AACS: variants seen among roughly 807,000 people sequenced by gnomAD.
AACS encodes acetoacetate-CoA ligase.
Under a neutral mutation model 83.1 loss-of-function variants are expected in AACS, and 69 were observed. The observed-to-expected ratio is 0.83, with a 90% confidence interval of 0.68 to 1.01. The LOEUF is 1.01. Among genes scored for constraint, AACS ranks in the 50% least tolerant of loss-of-function variants. AACS has a pLI of 0.00. For missense variants in AACS, 866 were observed against 882.2 expected (o/e 0.98, Z 0.23); for synonymous variants, 333 against 343.4 (o/e 0.97, Z 0.33).
chr12:125,093,235 T>C (rs558755093), intron 5 of AACS, among the ~76,000 whole-genome samples: 35 of 152,324 alleles, frequency 2.3e-4, no homozygotes, highest in African/African-American at 8.2e-4. Context: ...GGAGTGATCA[T>C]GGCCTCCCAG....
chr12:125,078,957 A>G (rs1206733731), intron 3 of AACS, among the ~76,000 whole-genome samples: 1 of 152,086 alleles, frequency 6.6e-6, no homozygotes, highest in East Asian at 1.9e-4. Flanking sequence ...GAATAAGTAA[A>G]GCATTGTGAT....
intron 4 of AACS, among the ~76,000 whole-genome samples, chr12:125,088,602 C>G (rs904817552): frequency 2.6e-4 from 39 of 152,184 alleles, no homozygotes; most frequent in African/African-American, 9.2e-4. Flanking sequence ...AATCTGTACA[C>G]TTTTAAGGTC....
At chr12:125,131,697 T>TTCTCCTGC (rs1565954434) in intron 14 of AACS, among the ~76,000 whole-genome samples, 4 of 151,992 alleles carry the variant, frequency 2.6e-5, no homozygotes, top group Non-Finnish European at 5.9e-5. Flanking sequence ...AGTGGCACGA[T>TTCTCCTGC]CTCAGCTTCT....
chr12:125,137,252 C>T (rs1957414558), intron 17 of AACS, among the ~76,000 whole-genome samples: 1 of 152,258 alleles, frequency 6.6e-6, no homozygotes. Context: ...CAGCTCACTG[C>T]AACCTCCGCT....
chr12:125,136,547 G>A (rs1292045251), intron 16 of AACS, 115 bp from the exon 17 acceptor site: 7 of 768,350 alleles, frequency 9.1e-6, no homozygotes, highest in African/African-American at 3.5e-5. Flanking sequence ...CACAGGCACC[G>A]CTGGAAGGCT....
chr12:125,136,452 C>T (rs1957401537), intron 16 of AACS, among the ~76,000 whole-genome samples: 1 of 152,056 alleles, frequency 6.6e-6, no homozygotes, highest in African/African-American at 2.4e-5. Flanking sequence ...CTCTGCCTCC[C>T]CAGTGATGGG....
Position 125,102,757 on chromosome 12 carries a change from CA to C in AACS, c.650del (p.His217ProfsTer17). 1 of 1,614,192 alleles carries C rather than the reference CA, an allele frequency of 6.2e-7. No individual in the cohort carries two copies. ...GGCTGTTGTCTATAATGGCAAAGAG[CA>C]CAACCACATGGAAAAGCTGCAGCAG... Reference protein sequence around the residue: ...VEAVVYNGKEHNHMEKLQQVV... With the variant: ...VEAVVYNGKEXNHMEKLQQVV... On this transcript the variant is annotated frameshift_variant, in exon 6 of 18. Coordinates refer to ENST00000316519, the MANE Select transcript of AACS (RefSeq NM_023928.5). LOFTEE classifies it high-confidence loss of function.
rs1957298051 is a variant in AACS at position 125,129,476 on chromosome 12, G to T, written c.1549+16G>T. ...AAATTCCCAGGTCGGTTGGAGAGAT[G>T]CAGACAGAGCTGGCCAGCCTCTGCC... On this transcript the variant is annotated intron_variant, in intron 14 of 17. Coordinates refer to ENST00000316519, the MANE Select transcript of AACS (RefSeq NM_023928.5). The surrounding 1 kb of genome is among the most constrained non-coding windows in gnomAD (Gnocchi z 4.3). 1 of 1,611,008 alleles carries T rather than the reference G, an allele frequency of 6.2e-7. No homozygotes were observed. The highest frequency in any genetic ancestry group is 8.5e-7 in the Non-Finnish European group (1 of 1,178,484).
At position 125,077,478 on chromosome 12, in the gene AACS, C is replaced by T. The variant is rs1223699835; in HGVS notation, c.358+867C>T. Among the ~76,000 whole-genome samples, 7 of 150,240 alleles carry T rather than the reference C, an allele frequency of 4.7e-5. No individual in the cohort carries two copies. In the East Asian group the frequency reaches 1.4e-3, roughly 30 times the overall value. On this transcript the variant is annotated intron_variant, in intron 3 of 17. Coordinates refer to ENST00000316519, the MANE Select transcript of AACS (RefSeq NM_023928.5). ...TGAGCTGAGATTGCGCCACTGCACTCCAGGCTGGGCGACAGAGTGAGACTC... is the reference window on the plus strand; with the variant it reads ...TGAGCTGAGATTGCGCCACTGCACTTCAGGCTGGGCGACAGAGTGAGACTC...
intron 3 of AACS, among the ~76,000 whole-genome samples, chr12:125,077,485 G>A (rs1258006674): frequency 1.3e-5 from 2 of 150,638 alleles, no homozygotes; most frequent in Non-Finnish European, 3.0e-5. Context: ...ACTCCAGGCT[G>A]GGCGACAGAG....
At chr12:125,082,372 C>T (rs1352536882) in intron 3 of AACS, among the ~76,000 whole-genome samples, 2 of 150,378 alleles carry the variant, frequency 1.3e-5, no homozygotes, top group East Asian at 3.9e-4. Flanking sequence ...GATGGGGTCT[C>T]CCCATATTGC....
In AACS at chr12:125,095,325, A is replaced by G. The variant is rs572149335; in HGVS notation, c.570+3802A>G. 9.2e-5 allele frequency among the ~76,000 whole-genome samples: 14 copies of G among 152,130 alleles called. No homozygotes were observed. In the East Asian group the frequency reaches 2.7e-3, roughly 29 times the overall value. On this transcript the variant is annotated intron_variant, in intron 5 of 17. Transcript: ENST00000316519. ...GTCTTTTCATGGGGCTAGGGGCCAG[A>G]CCTCTGATTCAGAAACACTCGTCTT...
At chr12:125,099,159 A>T (rs1202048789) in intron 5 of AACS, among the ~76,000 whole-genome samples, 1 of 152,230 alleles carries the variant, frequency 6.6e-6, no homozygotes, top group Non-Finnish European at 1.5e-5. Context: ...CAAGATAATC[A>T]TGCGATTTCC....
In AACS at chr12:125,136,127, G is replaced by A. The variant is rs116448060; in HGVS notation, c.1679-535G>A. On this transcript the variant is annotated intron_variant, in intron 16 of 17. Transcript: ENST00000316519. ...GGCAGTGGCGCCATCATAACTCACT[G>A]TAGCCTCGACCTCCTGGGCTCAGGC... The A allele has an allele frequency of 9.0e-3, 1,396 of 155,936 alleles. 14 individuals are homozygous for A. The highest frequency in any genetic ancestry group is 0.04 in the Middle Eastern group (12 of 300). 9.7% of individuals were successfully genotyped at this position (155,936 alleles called of 1,614,324 possible).
chr12:125,091,480 T>C lies in AACS; in HGVS notation c.527T>C (p.Ile176Thr), dbSNP rs746129705. The change falls in exon 5 of 18, where the codon ATT (isoleucine) becomes ACT (threonine). Residue 176 changes from isoleucine (I) to threonine (T), a missense_variant. Ile to Thr is a moderately conservative substitution (Grantham distance 89). Coordinates refer to ENST00000316519, the MANE Select transcript of AACS (RefSeq NM_023928.5). The part of the protein sequence containing the change: ...AVEAMLAAAS[I>T]GAIWSSTSPD... Reference sequence around the variant, plus strand: ...GAGGCGATGCTGGCTGCGGCAAGCATTGGTGCCATCTGGAGCTCCACGTCC... The same window carrying C: ...GAGGCGATGCTGGCTGCGGCAAGCACTGGTGCCATCTGGAGCTCCACGTCC... 1.9e-6 allele frequency: 3 copies of C among 1,614,136 alleles called. No homozygotes were observed. In the African/African-American group the frequency reaches 4.0e-5, roughly 22 times the overall value.
intron 17 of AACS, 85 bp from the exon 18 acceptor site, chr12:125,142,007 C>T (rs1050940986): frequency 8.4e-6 from 13 of 1,547,304 alleles, no homozygotes; most frequent in Non-Finnish European, 9.7e-6. Flanking sequence ...TGGAGCTGGG[C>T]CTTTGGGGCC....
chr12:125,073,841 C>T lies in AACS; in HGVS notation c.134-35C>T, dbSNP rs3751183. On this transcript the variant is annotated intron_variant, in intron 1 of 17. Coordinates refer to ENST00000316519, the MANE Select transcript of AACS (RefSeq NM_023928.5). ...CTTATTAATGGATTGCCAAGATTTC[C>T]CTTCTAAGGTTAATCTGAGCTATTT... The T allele has an allele frequency of 5.6e-5, 88 of 1,564,824 alleles. No homozygotes were observed. In the East Asian group the frequency reaches 1.9e-3, roughly 34 times the overall value.
intron 3 of AACS, among the ~76,000 whole-genome samples, chr12:125,081,557 C>T (rs866645889): frequency 2.0e-5 from 3 of 152,294 alleles, no homozygotes; most frequent in African/African-American, 7.2e-5. Flanking sequence ...CAAAACTCAT[C>T]TCTCCTATGG....
chr12:125,106,824 G>A (rs971283381), intron 7 of AACS, among the ~76,000 whole-genome samples: 2 of 152,180 alleles, frequency 1.3e-5, no homozygotes, highest in Non-Finnish European at 2.9e-5. Flanking sequence ...CTTCTCCGTG[G>A]TGGTTATGAA....
Sources: gnomAD v4.1 joint callset for allele counts (sites outside exome capture counted in the v4.1 genomes callset) on GRCh38, gnomAD v4.1.1 for gene constraint, Gnocchi (gnomAD v3.1) non-coding constraint, MANE v1.5 for transcripts, NCBI Gene and HGNC (gene_info 2026-07-23, HGNC 2026-07-21) for gene names.